SSBP2: variants seen among roughly 807,000 people sequenced by gnomAD.
The protein encoded by SSBP2 is single stranded DNA binding protein 2, also known as single-stranded DNA-binding protein 2.
In SSBP2, 17 loss-of-function variants were observed where a neutral mutation model predicts 61.8. The observed-to-expected ratio is 0.28, with a 90% CI of 0.19 to 0.41. The LOEUF (loss-of-function observed/expected upper bound fraction) is 0.41. Ranked by LOEUF, SSBP2 falls within the 10% of genes least tolerant of loss-of-function variation. The pLI is 1.00. For missense variants in SSBP2, 310 were observed against 458.7 expected, an observed-to-expected ratio of 0.68 and a Z score of 2.96; for synonymous variants, 139 against 141.3, an observed-to-expected ratio of 0.98 and a Z score of 0.12.
chr5:81,461,294 C>A (rs747594211), intron 9 of SSBP2, among the ~76,000 whole-genome samples, 191 bp from the exon 10 acceptor site: 6 of 151,884 alleles, frequency 4.0e-5, no homozygotes, highest in South Asian at 4.1e-4. Context: ...GAAAAGTTTT[C>A]TTCCCAAATT....
intron 12 of SSBP2, among the ~76,000 whole-genome samples, 180 bp downstream of exon 12, chr5:81,446,687 TA>T (rs1239387985): frequency 2.0e-5 from 3 of 152,346 alleles, no homozygotes; most frequent in African/African-American, 7.2e-5. Context: ...AGGAATTTTC[TA>T]AATGCTTAAC....
At chr5:81,663,574 TA>T (rs1191639799) in intron 1 of SSBP2, among the ~76,000 whole-genome samples, 1 of 152,214 alleles carries the variant, frequency 6.6e-6, no homozygotes, top group Non-Finnish European at 1.5e-5. Flanking sequence ...AACATTTGAT[TA>T]TGCCTCACAA....
intron 4 of SSBP2, among the ~76,000 whole-genome samples, chr5:81,548,997 T>C (rs900762866): frequency 6.6e-6 from 1 of 152,198 alleles, no homozygotes; most frequent in African/African-American, 2.4e-5. Flanking sequence ...ACTGACATTA[T>C]ATTTATTTTA....
intron 1 of SSBP2, among the ~76,000 whole-genome samples, chr5:81,707,469 G>A (rs1237356213): frequency 6.6e-6 from 1 of 152,086 alleles, no homozygotes; most frequent in Non-Finnish European, 1.5e-5. Context: ...CACAGGGTGA[G>A]GTTGGTCAGT....
At chr5:81,634,052 CT>C (rs894635751) in intron 3 of SSBP2, among the ~76,000 whole-genome samples, 4 of 152,196 alleles carry the variant, frequency 2.6e-5, no homozygotes, top group African/African-American at 9.7e-5. Flanking sequence ...GGCCAGGGCA[CT>C]CTTAAGATTT....
chr5:81,677,728 A>G (rs1376053915), intron 1 of SSBP2, among the ~76,000 whole-genome samples: 1 of 152,022 alleles, frequency 6.6e-6, no homozygotes, highest in Non-Finnish European at 1.5e-5. Context: ...CTATTTTGCC[A>G]CAGCATACTC....
chr5:81,622,012 C>G (rs1225742695), intron 3 of SSBP2, among the ~76,000 whole-genome samples: 2 of 144,164 alleles, frequency 1.4e-5, no homozygotes, highest in East Asian at 4.1e-4. Flanking sequence ...GGCTAGATGA[C>G]GAGTTAGTGG....
chr5:81,496,961 T>TA (rs1267183558), intron 5 of SSBP2, among the ~76,000 whole-genome samples: 1 of 152,184 alleles, frequency 6.6e-6, no homozygotes, highest in East Asian at 1.9e-4. Context: ...AACCATTTAT[T>TA]AAATACTTAA....
At chr5:81,424,217 A>C (rs1761801430) in intron 16 of SSBP2, among the ~76,000 whole-genome samples, 1 of 152,018 alleles carries the variant, frequency 6.6e-6, no homozygotes, top group South Asian at 2.1e-4. Flanking sequence ...TGAGGTCAGG[A>C]GTTCGAGACC....
chr5:81,686,883 GAA>G (rs1752846075), intron 1 of SSBP2, among the ~76,000 whole-genome samples: 1 of 59,840 alleles, frequency 1.7e-5, no homozygotes, highest in South Asian at 6.4e-4. Context: ...GAAAAGAAAA[GAA>G]AAGAAAAGAA....
chr5:81,636,965 C>A (rs775890385), intron 2 of SSBP2, among the ~76,000 whole-genome samples: 1 of 152,106 alleles, frequency 6.6e-6, no homozygotes, highest in Admixed American at 6.5e-5. Flanking sequence ...CTGTTAGGTC[C>A]CATAAACTAA....
chr5:81,625,825 T>C (rs1747088745), intron 3 of SSBP2, among the ~76,000 whole-genome samples: 2 of 152,334 alleles, frequency 1.3e-5, no homozygotes, highest in South Asian at 4.1e-4. Context: ...TCCCAGAAGA[T>C]GGAATGCTAA....
intron 1 of SSBP2, among the ~76,000 whole-genome samples, chr5:81,659,653 A>G (rs1054848347): frequency 6.6e-6 from 1 of 152,002 alleles, no homozygotes; most frequent in African/African-American, 2.4e-5. Context: ...TCACAGAACT[A>G]AAAAAAACTA....
At chr5:81,494,985 G>A (rs1341000486) in intron 5 of SSBP2, among the ~76,000 whole-genome samples, 1 of 152,016 alleles carries the variant, frequency 6.6e-6, no homozygotes, top group Non-Finnish European at 1.5e-5. Flanking sequence ...AATTATTCAT[G>A]GAATTTTAGA....
intron 4 of SSBP2, among the ~76,000 whole-genome samples, chr5:81,527,879 T>G (rs1770076562): frequency 6.7e-6 from 1 of 149,810 alleles, no homozygotes; most frequent in Non-Finnish European, 1.5e-5. Flanking sequence ...GTTCTACGTA[T>G]GTATCCCAGA....
chr5:81,483,542 C>T (rs1766154241), intron 6 of SSBP2, among the ~76,000 whole-genome samples: 1 of 152,124 alleles, frequency 6.6e-6, no homozygotes, highest in South Asian at 2.1e-4. Context: ...ACATCCACTC[C>T]TATTTTACAG....
intron 6 of SSBP2, 60 bp from the exon 7 acceptor site, chr5:81,474,622 T>G (rs1765466480): frequency 7.8e-7 from 1 of 1,279,694 alleles, no homozygotes; most frequent in Non-Finnish European, 1.1e-6. Context: ...AATAAGTTTT[T>G]TAACAATTTC....
chr5:81,727,876 A>T (rs958687362), intron 1 of SSBP2, among the ~76,000 whole-genome samples: 1 of 152,196 alleles, frequency 6.6e-6, no homozygotes, highest in Non-Finnish European at 1.5e-5. Context: ...ATACAAGTGA[A>T]ACAAGGTACA....
At chr5:81,662,477 CAAAA>C (rs901270699) in intron 1 of SSBP2, among the ~76,000 whole-genome samples, 1 of 151,428 alleles carries the variant, frequency 6.6e-6, no homozygotes, top group Non-Finnish European at 1.5e-5. Flanking sequence ...CAAAAACAAA[CAAAA>C]AAAATTATTT....
Sources: allele counts gnomAD v4.1 joint callset (sites outside exome capture counted in the v4.1 genomes callset), GRCh38; gene constraint gnomAD v4.1.1; transcripts MANE v1.5; gene names NCBI Gene and HGNC (gene_info 2026-07-23, HGNC 2026-07-21).